Variants in MAD1L1 observed in about 807,000 individuals in gnomAD.
MAD1L1 encodes the protein mitotic arrest deficient 1 like 1.
In MAD1L1, 95 loss-of-function variants were observed where a neutral mutation model predicts 96.9. The observed-to-expected ratio is 0.98, with a 90% CI of 0.83 to 1.16. MAD1L1 has a LOEUF of 1.16. Ranked by LOEUF, MAD1L1 falls within the 50% of genes most tolerant of loss-of-function variation. MAD1L1 has a pLI of 0.00. For missense variants in MAD1L1, 1,007 were observed against 954.4 expected, an observed-to-expected ratio of 1.06 and a Z score of -0.73; for synonymous variants, 473 against 396.6, an observed-to-expected ratio of 1.19 and a Z score of -2.29.
intron 11 of MAD1L1, among the ~76,000 whole-genome samples, chr7:2,078,476 G>A (rs143866660): frequency 2.0e-5 from 3 of 152,232 alleles, no homozygotes; most frequent in Non-Finnish European, 2.9e-5. Flanking sequence ...CTCCGCGGCT[G>A]AGCCAGGAGA....
At chr7:1,998,037 G>T (rs1781635085) in intron 14 of MAD1L1, among the ~76,000 whole-genome samples, 1 of 152,202 alleles carries the variant, frequency 6.6e-6, no homozygotes, top group South Asian at 2.1e-4. Flanking sequence ...CTTAAACGGT[G>T]CTGCGTACGA....
intron 13 of MAD1L1, among the ~76,000 whole-genome samples, chr7:2,010,348 T>G (rs939396026): frequency 6.6e-6 from 1 of 152,154 alleles, no homozygotes; most frequent in Non-Finnish European, 1.5e-5. Flanking sequence ...CCTAAATCGT[T>G]AGGAACTATT....
At chr7:2,174,797 G>T (rs1790870056) in intron 10 of MAD1L1, among the ~76,000 whole-genome samples, 1 of 152,116 alleles carries the variant, frequency 6.6e-6, no homozygotes, top group South Asian at 2.1e-4. Flanking sequence ...CTTATGAGAG[G>T]TTTCTTCCTG....
At chr7:1,940,935 C>CAGGCCTCACCCTCCTCTTCCTCCCCCCG (rs1226713950) in intron 16 of MAD1L1, among the ~76,000 whole-genome samples, 1 of 93,960 alleles carries the variant, frequency 1.1e-5, no homozygotes, top group African/African-American at 4.1e-5. Flanking sequence ...CCCTCCTCCC[C>CAGGCCTCACCCTCCTCTTCCTCCCCCCG]CAGGCCTCAC....
chr7:1,832,095 A>T (rs999957809), intron 18 of MAD1L1, among the ~76,000 whole-genome samples: 3 of 152,218 alleles, frequency 2.0e-5, no homozygotes, highest in Non-Finnish European at 4.4e-5. Flanking sequence ...GGCAAAGTCA[A>T]CTGAAAACCT....
At chr7:2,001,150 G>A (rs1781773267) in intron 14 of MAD1L1, among the ~76,000 whole-genome samples, 3 of 152,250 alleles carry the variant, frequency 2.0e-5, no homozygotes, top group South Asian at 2.1e-4. Flanking sequence ...TCACAGTCAC[G>A]AGCTGGCAAG....
rs966558298 is a variant in MAD1L1, at chr7:2,049,422, G to A, written c.1218+19772C>T. Among the ~76,000 whole-genome samples the A allele has an allele frequency of 2.6e-5, 4 of 152,216 alleles. No homozygotes were observed. In the East Asian group the frequency reaches 7.7e-4, roughly 29 times the overall value. ...TGCTGACTCGGAGCCGACTCAGTAG[G>A]TGGCTCATGCCCACCATGGGTGGCA... On this transcript the variant is annotated intron_variant, in intron 12 of 18. Coordinates refer to ENST00000265854, the MANE Select transcript of MAD1L1 (RefSeq NM_001013836.2).
intron 17 of MAD1L1, among the ~76,000 whole-genome samples, chr7:1,915,501 G>C (rs939669012): frequency 6.6e-6 from 1 of 152,302 alleles, no homozygotes; most frequent in Admixed American, 6.5e-5. Context: ...ACAGGAGGCC[G>C]ACGCGGGACG....
At chr7:1,896,403 T>A (rs1181075853) in intron 18 of MAD1L1, among the ~76,000 whole-genome samples, 1 of 152,012 alleles carries the variant, frequency 6.6e-6, no homozygotes, top group Non-Finnish European at 1.5e-5. Context: ...ATGACGGGGA[T>A]GGACCTGGTG....
At chr7:1,820,639 G>A (rs1583467889) in intron 18 of MAD1L1, among the ~76,000 whole-genome samples, 1 of 152,120 alleles carries the variant, frequency 6.6e-6, no homozygotes, top group South Asian at 2.1e-4. Flanking sequence ...TACACCTGTA[G>A]CCCCAGGTAT....
At chr7:2,228,204 C>T (rs1794008251) in intron 3 of MAD1L1, among the ~76,000 whole-genome samples, 1 of 152,076 alleles carries the variant, frequency 6.6e-6, no homozygotes, top group Non-Finnish European at 1.5e-5. Flanking sequence ...CCAAGACAGA[C>T]TCTAGAATCC....
chr7:2,079,850 C>A (rs1002309608), intron 11 of MAD1L1: 1 of 426,528 alleles, frequency 2.3e-6, no homozygotes. Flanking sequence ...CCTCCCCAGG[C>A]TCTACTAAAC....
intron 18 of MAD1L1, among the ~76,000 whole-genome samples, chr7:1,826,648 C>A (rs1042462066): frequency 7.2e-5 from 11 of 152,368 alleles, no homozygotes; most frequent in African/African-American, 2.6e-4. Flanking sequence ...GATGCTGCCG[C>A]GTGAGCACCG....
intron 10 of MAD1L1, among the ~76,000 whole-genome samples, chr7:2,212,410 C>A (rs1157874173): frequency 1.3e-5 from 2 of 152,294 alleles, no homozygotes; most frequent in African/African-American, 4.8e-5. Flanking sequence ...CTGCCCCATG[C>A]CTCATGTTGA....
intron 10 of MAD1L1, among the ~76,000 whole-genome samples, chr7:2,151,816 G>A (rs991062626): frequency 2.8e-4 from 43 of 152,292 alleles, no homozygotes; most frequent in African/African-American, 9.9e-4. Flanking sequence ...AGTGCTGGGC[G>A]CCCACAGATG....
At chr7:2,082,984 G>A (rs1048579971) in intron 11 of MAD1L1, among the ~76,000 whole-genome samples, 10 of 152,262 alleles carry the variant, frequency 6.6e-5, no homozygotes, top group African/African-American at 2.2e-4. Context: ...TGTCTCTCGC[G>A]CTGCAGGGAG....
chr7:1,841,146 C>T (rs1283190500), intron 18 of MAD1L1, among the ~76,000 whole-genome samples: 1 of 152,234 alleles, frequency 6.6e-6, no homozygotes, highest in Non-Finnish European at 1.5e-5. Flanking sequence ...GATAACCTGG[C>T]TGCTGCCCAC....
In MAD1L1 at chr7:1,820,937, C is replaced by T. The variant is rs543046132; in HGVS notation, c.1999-4709G>A. On this transcript the variant is annotated intron_variant, in intron 18 of 18. Coordinates refer to ENST00000265854, the MANE Select transcript of MAD1L1 (RefSeq NM_001013836.2). ...TCTACTAAAAATACAAAAAATTAGCCGGGTGTGGTGGCGGGTGCCTGTAGT... is the reference window on the plus strand; with the variant it reads ...TCTACTAAAAATACAAAAAATTAGCTGGGTGTGGTGGCGGGTGCCTGTAGT... 5.9e-5 allele frequency among the ~76,000 whole-genome samples: 9 copies of T among 151,732 alleles called. No homozygotes were observed. In the South Asian group the frequency reaches 6.3e-4, roughly 11 times the overall value.
At chr7:1,823,128 A>T (rs752826551) in intron 18 of MAD1L1, among the ~76,000 whole-genome samples, 55 of 152,138 alleles carry the variant, frequency 3.6e-4, no homozygotes, top group Non-Finnish European at 5.3e-4. Flanking sequence ...GAAAAGTCAC[A>T]GAAAAGTCAC....
Sources: allele counts gnomAD v4.1 joint callset (sites outside exome capture counted in the v4.1 genomes callset), GRCh38; gene constraint gnomAD v4.1.1; transcripts MANE v1.5; gene names NCBI Gene and HGNC (gene_info 2026-07-23, HGNC 2026-07-21).